Variants in CTNNA1 observed in about 807,000 individuals in gnomAD.
The protein encoded by CTNNA1 is catenin alpha 1.
Under a neutral mutation model 98.4 loss-of-function variants are expected in CTNNA1, and 37 were observed. The ratio of observed to expected loss-of-function variants is 0.38; its 90% CI spans 0.29 to 0.49. CTNNA1 has a LOEUF of 0.49. CTNNA1 is among the 20% of genes least tolerant of loss of function. CTNNA1 has a pLI of 0.95. For missense variants in CTNNA1, 761 were observed against 1,147.2 expected (o/e 0.66, Z 4.86); for synonymous variants, 404 against 413.2 (o/e 0.98, Z 0.27).
chr5:138,857,264 T>G (rs1763808463), intron 7 of CTNNA1, among the ~76,000 whole-genome samples: 1 of 152,204 alleles, frequency 6.6e-6, no homozygotes, highest in Non-Finnish European at 1.5e-5. Flanking sequence ...CTGGAGTGAC[T>G]GCTCTTGTCA....
At chr5:138,765,955 A>T (rs1752891111) in intron 1 of CTNNA1, among the ~76,000 whole-genome samples, 1 of 149,686 alleles carries the variant, frequency 6.7e-6, no homozygotes, top group African/African-American at 2.4e-5. Context: ...CTCAAAAAAA[A>T]AAAAAAAAAA....
In CTNNA1 at chr5:138,873,590, G is replaced by A; in HGVS notation, c.1063-12622G>A. On this transcript the variant is annotated intron_variant, in intron 7 of 17. Transcript: ENST00000302763. This position sits in a 1 kb window ranked among gnomAD's most constrained non-coding sequence, Gnocchi z 6.1. ...CCGACCTTGGAAACTGCCCAGCCAG[G>A]AGGCCAGAGCACATATTCGGGCGCT... 6.2e-7 allele frequency: 1 copy of A among 1,614,008 alleles called. No individual in the cohort carries two copies. Among genetic ancestry groups the A allele is most frequent in the Non-Finnish European group, 8.5e-7 (1 of 1,179,904 alleles).
chr5:138,910,226 CTTTTTTTTTT>C (rs70982740), intron 10 of CTNNA1, among the ~76,000 whole-genome samples: 8 of 53,228 alleles, frequency 1.5e-4, no homozygotes, highest in African/African-American at 3.2e-4. Context: ...TCCTACTTTT[CTTTTTTTTTT>C]TTTTTTTTTT....
intron 3 of CTNNA1, among the ~76,000 whole-genome samples, chr5:138,788,066 C>T (rs1051258518): frequency 6.6e-6 from 1 of 152,040 alleles, no homozygotes; most frequent in African/African-American, 2.4e-5. Context: ...CTTAGATGTG[C>T]TCTTTTCTTA....
intron 1 of CTNNA1, among the ~76,000 whole-genome samples, chr5:138,768,767 C>T (rs1464724600): frequency 6.6e-6 from 1 of 151,830 alleles, no homozygotes; most frequent in Non-Finnish European, 1.5e-5. Context: ...TTAGGGCATT[C>T]AGTGGGTCAG....
At chr5:138,781,692 G>C (rs564828478) in intron 1 of CTNNA1, among the ~76,000 whole-genome samples, 14 of 152,338 alleles carry the variant, frequency 9.2e-5, no homozygotes, top group African/African-American at 3.4e-4. Flanking sequence ...AACATTCTGT[G>C]TGTTTGGGAA....
intron 10 of CTNNA1, among the ~76,000 whole-genome samples, chr5:138,910,684 G>A (rs1412203026): frequency 6.6e-6 from 1 of 152,072 alleles, no homozygotes; most frequent in Non-Finnish European, 1.5e-5. Context: ...GGGCAGGAAG[G>A]ACTCACTGAG....
At chr5:138,759,147 G>T (rs116628070) in intron 1 of CTNNA1, among the ~76,000 whole-genome samples, 2,811 of 152,088 alleles carry the variant, frequency 0.018, 54 homozygotes, top group Non-Finnish European at 0.029. Flanking sequence ...CTTTTAATGG[G>T]TCATACTTTC....
intron 7 of CTNNA1, 59 bp from the exon 8 acceptor site, chr5:138,886,153 G>A: frequency 6.4e-7 from 1 of 1,570,882 alleles, no homozygotes; most frequent in Non-Finnish European, 8.7e-7. Flanking sequence ...ATGGCTATAG[G>A]CTATCATTAG....
intron 9 of CTNNA1, among the ~76,000 whole-genome samples, chr5:138,889,179 G>A (rs1754791231): frequency 6.6e-6 from 1 of 152,200 alleles, no homozygotes; most frequent in Non-Finnish European, 1.5e-5. Flanking sequence ...ATGGTAGGAA[G>A]CAAGGATGCT....
In CTNNA1 at chr5:138,916,747, ATATT is replaced by A. The variant is rs574068818; in HGVS notation, c.1390-985_1390-982del. On this transcript the variant is annotated intron_variant, in intron 10 of 17. Coordinates refer to ENST00000302763, the MANE Select transcript of CTNNA1 (RefSeq NM_001903.5). ...CTATGTTATCCAGGCTTTAAAATTA[ATATT>A]TATTTATTTTTATTTATTATTTTAT... Among the ~76,000 whole-genome samples, 6 of 149,676 alleles carry A rather than the reference ATATT, an allele frequency of 4.0e-5. No homozygotes were observed. In the East Asian group the frequency reaches 7.8e-4, roughly 19 times the overall value.
intron 3 of CTNNA1, among the ~76,000 whole-genome samples, chr5:138,795,246 G>C (rs1756826837): frequency 6.6e-6 from 1 of 151,330 alleles, no homozygotes; most frequent in African/African-American, 2.4e-5. Context: ...TGGATCACGA[G>C]GTCAGGGGTT....
At chr5:138,853,913 A>T (rs576382591) in intron 7 of CTNNA1, among the ~76,000 whole-genome samples, 1 of 152,260 alleles carries the variant, frequency 6.6e-6, no homozygotes, top group East Asian at 1.9e-4. Context: ...CCTGACTTTG[A>T]GCTTTTGGGT....
chr5:138,865,418 C>T (rs1202824259), intron 7 of CTNNA1, among the ~76,000 whole-genome samples: 1 of 152,222 alleles, frequency 6.6e-6, no homozygotes, highest in African/African-American at 2.4e-5. Context: ...TTCTCTAGAA[C>T]CTCCTTAGAG....
chr5:138,894,396 C>CTCAG (rs1756270023), intron 9 of CTNNA1, among the ~76,000 whole-genome samples: 1 of 150,930 alleles, frequency 6.6e-6, no homozygotes, highest in South Asian at 2.1e-4. Context: ...ATCCTCCCAT[C>CTCAG]TCAGCCTCCT....
At chr5:138,898,360 A>G (rs767147914) in intron 9 of CTNNA1, among the ~76,000 whole-genome samples, 29 of 152,322 alleles carry the variant, frequency 1.9e-4, no homozygotes, top group African/African-American at 5.1e-4. Context: ...CTTTATAGCA[A>G]TGCAAGAATG....
intron 10 of CTNNA1, among the ~76,000 whole-genome samples, chr5:138,906,843 CA>C (rs1395883770): frequency 6.6e-6 from 1 of 152,184 alleles, no homozygotes. Context: ...CTCTTGCTCA[CA>C]AACTGCTATG....
chr5:138,817,218 C>G (rs1375436069), intron 5 of CTNNA1, among the ~76,000 whole-genome samples: 1 of 152,108 alleles, frequency 6.6e-6, no homozygotes, highest in African/African-American at 2.4e-5. Context: ...TATAACATTC[C>G]ATTTTTTCCT....
chr5:138,810,273 C>T, intron 4 of CTNNA1, 69 bp downstream of exon 4: 2 of 1,531,876 alleles, frequency 1.3e-6, no homozygotes, highest in South Asian at 2.3e-5. Flanking sequence ...TTCCTTAGTT[C>T]AGTATTCCTT....
Sources: allele counts gnomAD v4.1 joint callset (sites outside exome capture counted in the v4.1 genomes callset), GRCh38; gene constraint gnomAD v4.1.1; non-coding constraint Gnocchi (gnomAD v3.1); transcripts MANE v1.5; gene names NCBI Gene and HGNC (gene_info 2026-07-23, HGNC 2026-07-21).